XYLT1: variants seen among roughly 807,000 people sequenced by gnomAD.
XYLT1 encodes the protein xylosyltransferase 1.
Under a neutral mutation model 91.3 loss-of-function variants are expected in XYLT1, and 36 were observed. The ratio of observed to expected loss-of-function variants is 0.39; its 90% confidence interval spans 0.30 to 0.52. The LOEUF is 0.52. Among genes scored for constraint, XYLT1 ranks in the 20% least tolerant of loss-of-function variants. The probability of loss-of-function intolerance (pLI) is 0.68; values close to 1 mark genes in which losing one functional copy is unlikely to be tolerated. For missense variants in XYLT1, 1,242 were observed against 1,284.5 expected (o/e 0.97, Z 0.51); for synonymous variants, 588 against 532.0 (o/e 1.11, Z -1.45).
At chr16:17,343,064 G>A (rs188736975) in intron 2 of XYLT1, among the ~76,000 whole-genome samples, 3 of 152,290 alleles carry the variant, frequency 2.0e-5, no homozygotes, top group Admixed American at 2.0e-4. Flanking sequence ...AAAGTAACAC[G>A]TAAACACCTC....
intron 1 of XYLT1, among the ~76,000 whole-genome samples, chr16:17,381,117 A>G (rs2035674580): frequency 6.6e-6 from 1 of 152,178 alleles, no homozygotes; most frequent in African/African-American, 2.4e-5. Flanking sequence ...AAACTCAGAA[A>G]ATGTAAACAA....
At chr16:17,439,919 T>C (rs1189459477) in intron 1 of XYLT1, among the ~76,000 whole-genome samples, 1 of 152,220 alleles carries the variant, frequency 6.6e-6, no homozygotes, top group East Asian at 1.9e-4. Context: ...TCACTTCTAA[T>C]AAACAGAAAA....
At chr16:17,332,845 G>C (rs1386850373) in intron 2 of XYLT1, among the ~76,000 whole-genome samples, 1 of 151,960 alleles carries the variant, frequency 6.6e-6, no homozygotes, top group African/African-American at 2.4e-5. Context: ...TCTTCCACCT[G>C]TCTGTCCGCA....
intron 2 of XYLT1, among the ~76,000 whole-genome samples, chr16:17,327,978 C>G (rs1020340640): frequency 6.6e-6 from 1 of 152,096 alleles, no homozygotes; most frequent in Non-Finnish European, 1.5e-5. Context: ...CCTTGACTAT[C>G]GTTACTCTGA....
intron 1 of XYLT1, among the ~76,000 whole-genome samples, chr16:17,379,254 T>C (rs535675985): frequency 6.6e-6 from 1 of 152,300 alleles, no homozygotes; most frequent in Admixed American, 6.5e-5. Context: ...TTCAGTTAGC[T>C]CACCCTAAAG....
At position 17,137,037 on chromosome 16, in the gene XYLT1, A is replaced by G. The variant is rs1399829998; in HGVS notation, c.1764+1318T>C. On this transcript the variant is annotated intron_variant, in intron 8 of 11. Coordinates refer to ENST00000261381, the MANE Select transcript of XYLT1 (RefSeq NM_022166.4). ...TTCCCCTGCAACCCTCTTTCGGCTC[A>G]GCATATCCTTTCTGCAGGGAAGATG... Among the ~76,000 whole-genome samples, 3 of 152,250 alleles carry G rather than the reference A, an allele frequency of 2.0e-5. No homozygotes were observed. The East Asian group carries it at 5.8e-4, about 29-fold the overall frequency.
intron 1 of XYLT1, among the ~76,000 whole-genome samples, chr16:17,397,433 T>C (rs918962217): frequency 1.3e-5 from 2 of 152,118 alleles, no homozygotes; most frequent in Non-Finnish European, 2.9e-5. Flanking sequence ...ATAAACCGCC[T>C]TTCCGGCTTC....
intron 2 of XYLT1, among the ~76,000 whole-genome samples, chr16:17,269,634 T>C (rs577618134): frequency 1.3e-5 from 2 of 152,220 alleles, no homozygotes; most frequent in Admixed American, 1.3e-4. Context: ...TCCCAGCCTC[T>C]GTAAGAGAGC....
chr16:17,182,161 A>G (rs1481741822), intron 5 of XYLT1, among the ~76,000 whole-genome samples: 1 of 152,212 alleles, frequency 6.6e-6, no homozygotes, highest in Non-Finnish European at 1.5e-5. Flanking sequence ...GCTTGAGAGC[A>G]TATAGCTCTC....
chr16:17,242,871 A>G lies in XYLT1; in HGVS notation c.913+16117T>C, dbSNP rs760016027. 4.7e-4 allele frequency among the ~76,000 whole-genome samples: 71 copies of G among 152,210 alleles called. 2 individuals carry two copies. Among genetic ancestry groups the G allele is most frequent in the Non-Finnish European group, 1.0e-4 (7 of 68,034 alleles). ...GTAAGGGGGAATCACACAGTATCTG[A>G]TCTATGGTGACTGGCTTATTTCACT... On this transcript the variant is annotated intron_variant, in intron 3 of 11. Transcript: ENST00000261381.
intron 2 of XYLT1, among the ~76,000 whole-genome samples, chr16:17,282,259 C>T (rs867682503): frequency 6.6e-6 from 1 of 152,166 alleles, no homozygotes. Context: ...AGACCCTCAC[C>T]CCAGCCCCCG....
At chr16:17,370,233 G>A (rs559065928) in intron 1 of XYLT1, among the ~76,000 whole-genome samples, 1 of 152,300 alleles carries the variant, frequency 6.6e-6, no homozygotes, top group African/African-American at 2.4e-5. Context: ...CTCATGCCAA[G>A]GTCAGGCAAG....
At chr16:17,213,253 C>A (rs1229299156) in intron 3 of XYLT1, among the ~76,000 whole-genome samples, 1 of 152,194 alleles carries the variant, frequency 6.6e-6, no homozygotes, top group East Asian at 1.9e-4. Context: ...CCTTTACCTT[C>A]CACCACAATT....
chr16:17,230,220 G>C (rs1596434127), intron 3 of XYLT1, among the ~76,000 whole-genome samples: 1 of 152,140 alleles, frequency 6.6e-6, no homozygotes. Context: ...TGGCCGTAGG[G>C]AACTAAAACA....
intron 3 of XYLT1, among the ~76,000 whole-genome samples, chr16:17,201,787 TTC>T (rs1653368952): frequency 6.6e-6 from 1 of 152,108 alleles, no homozygotes; most frequent in African/African-American, 2.4e-5. Context: ...GAGGTTCTTT[TTC>T]TGTTACACAG....
Position 17,401,605 on chromosome 16 carries a change from A to G in XYLT1, c.364-43555T>C, listed in dbSNP as rs115824770. ...ATATCTGTAAAATGGGAATAACATCATCCCCACCTCAAGGAGCTGGGAGGG... is the reference window on the plus strand; with the variant it reads ...ATATCTGTAAAATGGGAATAACATCGTCCCCACCTCAAGGAGCTGGGAGGG... On this transcript the variant is annotated intron_variant, in intron 1 of 11. Transcript: ENST00000261381. 8.3e-4 allele frequency among the ~76,000 whole-genome samples: 127 copies of G among 152,252 alleles called. 1 individual carries two copies. Among genetic ancestry groups the G allele is most frequent in the African/African-American group, 2.9e-3 (121 of 41,554 alleles).
Position 17,150,576 on chromosome 16 carries a change from G to C in XYLT1, c.1370+8253C>G, listed in dbSNP as rs529256396. ...TTTAGAATTCACTGCAACCCCATGA[G>C]GGCTCATTTTACAAATGAAGGAACA... On this transcript the variant is annotated intron_variant, in intron 6 of 11. Transcript: ENST00000261381. 3.9e-5 allele frequency among the ~76,000 whole-genome samples: 6 copies of C among 152,210 alleles called. No homozygotes were observed. The South Asian group carries it at 1.2e-3, about 32-fold the overall frequency.
At chr16:17,316,520 C>A (rs1172758092) in intron 2 of XYLT1, among the ~76,000 whole-genome samples, 1 of 152,072 alleles carries the variant, frequency 6.6e-6, no homozygotes, top group Non-Finnish European at 1.5e-5. Flanking sequence ...CCTCAGCCTC[C>A]CAAGTAGTTG....
intron 1 of XYLT1, among the ~76,000 whole-genome samples, chr16:17,434,010 T>A (rs563901263): frequency 6.6e-6 from 1 of 152,210 alleles, no homozygotes; most frequent in Non-Finnish European, 1.5e-5. Flanking sequence ...ATTTGGCAGA[T>A]TGAATTTCGG....
Sources: gnomAD v4.1 joint callset for allele counts (sites outside exome capture counted in the v4.1 genomes callset) on GRCh38, gnomAD v4.1.1 for gene constraint, MANE v1.5 for transcripts, NCBI Gene and HGNC (gene_info 2026-07-23, HGNC 2026-07-21) for gene names.